Variants in ESRRB observed in about 807,000 individuals in gnomAD.
ESRRB encodes the protein steroid hormone receptor ERR2.
ESRRB carries 16 observed loss-of-function variants against 46.0 expected under a neutral mutation model. The ratio of observed to expected loss-of-function variants is 0.35; its 90% CI spans 0.24 to 0.53. The LOEUF is 0.53. Ranked by LOEUF, ESRRB falls within the 20% of genes least tolerant of loss-of-function variation. The probability of loss-of-function intolerance (pLI) is 0.93; values close to 1 mark genes in which losing one functional copy is unlikely to be tolerated. For synonymous variants in ESRRB, 246 were observed against 259.6 expected (o/e 0.95, Z 0.50); for missense variants, 488 against 607.4 (o/e 0.80, Z 2.07).
Position 76,498,952 on chromosome 14 carries a change from A to G in ESRRB, c.*494A>G, listed in dbSNP as rs1234473991. The G allele has an allele frequency of 2.2e-6, 1 of 463,514 alleles. No individual in the cohort carries two copies. Among genetic ancestry groups the G allele is most frequent in the Non-Finnish European group, 4.5e-6 (1 of 221,596 alleles). The allele number at this position is 463,514 out of a possible 1,614,324, so 28.7% of individuals were successfully genotyped here. On this transcript the variant is annotated 3_prime_UTR_variant, in exon 7 of 7. Coordinates refer to ENST00000644823, the MANE Select transcript of ESRRB (RefSeq NM_001379180.1). ...ACAGTATCTTTCTTCCAGAGGTCCT[A>G]CCTGCTCTGAGATCCTCTGGGGCCG...
chr14:76,407,908 T>C (rs1469186060), intron 1 of ESRRB, among the ~76,000 whole-genome samples: 2 of 152,184 alleles, frequency 1.3e-5, no homozygotes, highest in African/African-American at 2.4e-5. Context: ...TGAATTCTTA[T>C]AGCCAAACCA....
At chr14:76,473,953 G>T (rs1466898096) in intron 3 of ESRRB, among the ~76,000 whole-genome samples, 1 of 152,202 alleles carries the variant, frequency 6.6e-6, no homozygotes. Context: ...AGTGGGCTTG[G>T]CCCCCACAGG....
chr14:76,315,287 T>A (rs1388036522), intron 1 of ESRRB, among the ~76,000 whole-genome samples: 2 of 104,270 alleles, frequency 1.9e-5, no homozygotes, highest in African/African-American at 6.8e-5. Context: ...TGCTTCTGTG[T>A]CTCCCTCATT....
In ESRRB at chr14:76,423,558, T is replaced by C. The variant is rs558496491; in HGVS notation, c.51-15783T>C. 3.0e-3 allele frequency among the ~76,000 whole-genome samples: 454 copies of C among 152,242 alleles called. 1 individual carries two copies. The highest frequency in any genetic ancestry group is 0.01 in the African/African-American group (430 of 41,524). On this transcript the variant is annotated intron_variant, in intron 1 of 6. Coordinates refer to ENST00000644823, the MANE Select transcript of ESRRB (RefSeq NM_001379180.1). Reference sequence around the variant, plus strand: ...ACCCCAGGGGCTCTGTGGGTTCTGCTCCTGGGGCGCTGGTGGACTCCTCTT... The same window carrying C: ...ACCCCAGGGGCTCTGTGGGTTCTGCCCCTGGGGCGCTGGTGGACTCCTCTT...
chr14:76,491,498 G>T lies in ESRRB; in HGVS notation c.902G>T (p.Trp301Leu), dbSNP rs1350890463. Residue 301 changes from tryptophan to leucine, a missense_variant, in exon 6 of 7, where the codon TGG (tryptophan) becomes TTG (leucine). Trp to Leu is a moderately conservative substitution (Grantham distance 61). Coordinates refer to ENST00000644823, the MANE Select transcript of ESRRB (RefSeq NM_001379180.1). Reference sequence around the variant, plus strand: ...CAGATGAGCCTGCTGCAGAGTGCCTGGATGGAAATCCTCATCCTGGGCATC... The same window carrying T: ...CAGATGAGCCTGCTGCAGAGTGCCTTGATGGAAATCCTCATCCTGGGCATC... ...GDQMSLLQSA[W>L]MEILILGIVY... The T allele has an allele frequency of 1.2e-6, 2 of 1,605,198 alleles. No homozygotes were observed. Among genetic ancestry groups the T allele is most frequent in the Non-Finnish European group, 1.7e-6 (2 of 1,176,286 alleles).
chr14:76,397,307 C>T (rs925184705), intron 1 of ESRRB, among the ~76,000 whole-genome samples: 3 of 152,150 alleles, frequency 2.0e-5, no homozygotes, highest in African/African-American at 7.2e-5. Context: ...GACCCCCTAG[C>T]GGCCAAGACC....
chr14:76,493,118 G>T (rs930348230), intron 6 of ESRRB, among the ~76,000 whole-genome samples: 1 of 152,158 alleles, frequency 6.6e-6, no homozygotes, highest in African/African-American at 2.4e-5. Flanking sequence ...TGTGTGTTCA[G>T]TGGGGATATT....
chr14:76,446,378 T>G (rs1049251539), intron 2 of ESRRB, among the ~76,000 whole-genome samples: 4 of 151,184 alleles, frequency 2.6e-5, no homozygotes, highest in South Asian at 4.2e-4. Flanking sequence ...CGTTTTTTTT[T>G]TTTGTTTTGT....
At chr14:76,352,836 T>A (rs7156663) in intron 1 of ESRRB, among the ~76,000 whole-genome samples, 1 of 152,064 alleles carries the variant, frequency 6.6e-6, no homozygotes, top group Admixed American at 6.5e-5. Flanking sequence ...GCGGGCTCTC[T>A]CCCCTCTTTC....
chr14:76,433,989 G>T (rs540911565), intron 1 of ESRRB, among the ~76,000 whole-genome samples: 5 of 147,224 alleles, frequency 3.4e-5, no homozygotes, highest in Admixed American at 6.7e-5. Flanking sequence ...TTGAGACGGG[G>T]TCTCTGTCAC....
intron 6 of ESRRB, among the ~76,000 whole-genome samples, chr14:76,493,458 A>G (rs908049544): frequency 2.6e-5 from 4 of 152,200 alleles, no homozygotes; most frequent in South Asian, 4.1e-4. Flanking sequence ...CCCAGCCCCA[A>G]GTGCTTTTGT....
chr14:76,382,082 G>C (rs777926767), intron 1 of ESRRB, among the ~76,000 whole-genome samples: 17 of 152,170 alleles, frequency 1.1e-4, no homozygotes, highest in Admixed American at 2.0e-4. Flanking sequence ...CTGTTGTAGA[G>C]GATGTTTCTG....
chr14:76,354,515 C>T (rs1352066766), intron 1 of ESRRB, among the ~76,000 whole-genome samples: 1 of 151,760 alleles, frequency 6.6e-6, no homozygotes, highest in Admixed American at 6.6e-5. Context: ...GCTGAGGTCC[C>T]GGGGGTGAGG....
At chr14:76,319,482 C>T (rs1883842634) in intron 1 of ESRRB, among the ~76,000 whole-genome samples, 1 of 151,710 alleles carries the variant, frequency 6.6e-6, no homozygotes, top group Non-Finnish European at 1.5e-5. Flanking sequence ...GGTCAGCCAT[C>T]CATGACTCTT....
intron 1 of ESRRB, among the ~76,000 whole-genome samples, chr14:76,344,036 C>A (rs992015467): frequency 3.9e-5 from 6 of 152,122 alleles, no homozygotes; most frequent in Non-Finnish European, 5.9e-5. Context: ...GATTAGACTG[C>A]CTGGATTTGA....
intron 5 of ESRRB, among the ~76,000 whole-genome samples, chr14:76,486,162 G>T (rs1216304178): frequency 6.6e-6 from 1 of 152,220 alleles, no homozygotes; most frequent in East Asian, 1.9e-4. Context: ...GAGATCAAGA[G>T]CTAGCTGACT....
intron 1 of ESRRB, among the ~76,000 whole-genome samples, chr14:76,429,054 T>G (rs544727654): frequency 6.6e-6 from 1 of 151,992 alleles, no homozygotes; most frequent in Admixed American, 6.5e-5. Flanking sequence ...AGGAAAATAT[T>G]CCCAAGGAGG....
chr14:76,327,799 G>C (rs2139733409), intron 1 of ESRRB, among the ~76,000 whole-genome samples: 1 of 152,206 alleles, frequency 6.6e-6, no homozygotes, highest in African/African-American at 2.4e-5. Flanking sequence ...CGTCTCCCAG[G>C]TTCAAGCAAT....
chr14:76,481,731 C>T (rs1889812549), intron 3 of ESRRB, among the ~76,000 whole-genome samples: 2 of 152,174 alleles, frequency 1.3e-5, no homozygotes, highest in Non-Finnish European at 2.9e-5. Context: ...CCTTTGTTGA[C>T]ATAAGGAGAA....
Sources: allele counts gnomAD v4.1 joint callset (sites outside exome capture counted in the v4.1 genomes callset), GRCh38; gene constraint gnomAD v4.1.1; transcripts MANE v1.5; gene names NCBI Gene and HGNC (gene_info 2026-07-23, HGNC 2026-07-21).